The following SERPINB2 variants were observed in gnomAD, a reference collection of about 807,000 sequenced individuals.
The protein encoded by SERPINB2 is serpin family B member 2.
A neutral mutation model predicts 39.4 loss-of-function variants in SERPINB2; 28 were observed. The observed-to-expected ratio is 0.71, with a 90% CI of 0.53 to 0.97. SERPINB2 has a LOEUF of 0.97. Among genes scored for constraint, SERPINB2 ranks in the 50% least tolerant of loss-of-function variants. The pLI is 0.00. For missense variants in SERPINB2, 557 were observed against 505.3 expected, an observed-to-expected ratio of 1.10 and a Z score of -0.98; for synonymous variants, 209 against 175.1, an observed-to-expected ratio of 1.19 and a Z score of -1.53.
At chr18:63,893,222 C>G (rs893483707) in intron 2 of SERPINB2, among the ~76,000 whole-genome samples, 3 of 152,150 alleles carry the variant, frequency 2.0e-5, no homozygotes, top group Non-Finnish European at 4.4e-5. Flanking sequence ...GCCAGTGCAC[C>G]CGGCCTAGGT....
intron 2 of SERPINB2, 79 bp from the exon 3 acceptor site, chr18:63,895,184 AG>A (rs1411705360): frequency 5.8e-6 from 9 of 1,555,770 alleles, no homozygotes; most frequent in Non-Finnish European, 7.9e-6. Flanking sequence ...ACCATTTTAG[AG>A]CCACCTGATA....
At chr18:63,894,990 GT>G (rs144193829) in intron 2 of SERPINB2, among the ~76,000 whole-genome samples, 1 of 152,152 alleles carries the variant, frequency 6.6e-6, no homozygotes, top group Non-Finnish European at 1.5e-5. Context: ...TGGGGAAGAG[GT>G]TTTAAATCAT....
Position 63,901,810 on chromosome 18 carries a change from C to T in SERPINB2, c.606C>T (p.Val202=). The stretch of plus-strand genomic sequence containing the variant: ...CCAGGATGGTCCTGGTGAATGCTGT[C>T]TACTTCAAAGGAAAGTGGAAAACTC... ...GDTRMVLVNA[V]YFKGKWKTPF... The change falls in exon 6 of 8, where the codon GTC becomes GTT. Residue 202 remains valine (V), a synonymous_variant. Transcript: ENST00000299502. 1 of 1,601,790 alleles carries T rather than the reference C, an allele frequency of 6.2e-7. No homozygotes were observed. Among genetic ancestry groups the T allele is most frequent in the South Asian group, 1.1e-5 (1 of 88,094 alleles).
intron 1 of SERPINB2, chr18:63,890,944 C>T (rs1035978007): frequency 3.9e-5 from 6 of 154,948 alleles, no homozygotes; most frequent in African/African-American, 1.4e-4. Flanking sequence ...GTATATCTTC[C>T]TGTGTGGCAG....
chr18:63,900,437 G>A (rs139373274), intron 5 of SERPINB2, among the ~76,000 whole-genome samples: 170 of 152,242 alleles, frequency 1.1e-3, no homozygotes, highest in African/African-American at 3.9e-3. Context: ...CTGGAGGTAG[G>A]GTAGAAGAAA....
rs186414214 is a variant in SERPINB2, at chr18:63,891,330, G to T, written c.-9-106G>T. 4 of 1,123,984 alleles carry T rather than the reference G, an allele frequency of 3.6e-6. No homozygotes were observed. In the Admixed American group the frequency reaches 8.0e-5, roughly 23 times the overall value. The allele number at this position is 1,123,984 out of a possible 1,614,324, so 69.6% of individuals were successfully genotyped here. On this transcript the variant is annotated intron_variant, in intron 1 of 7. Transcript: ENST00000299502. ...TGTTCCATGAGGAAGAACAGACAGG[G>T]AATCTGTCCCTACACAGAATGCAGC...
Position 63,901,730 on chromosome 18 carries a change from T to G in SERPINB2, c.536-10T>G, listed in dbSNP as rs933427187. ...TTATGAAACCTAAATATATGTTATG[T>G]TTTCTGTAGGCAAAATCCCAAACTT... On this transcript the variant is annotated splice_polypyrimidine_tract_variant and intron_variant, in intron 5 of 7. Transcript: ENST00000299502. 3.3e-6 allele frequency: 5 copies of G among 1,532,988 alleles called. No individual in the cohort carries two copies. Among genetic ancestry groups the G allele is most frequent in the Non-Finnish European group, 4.3e-6 (5 of 1,150,572 alleles). 95.0% of individuals were successfully genotyped at this position (1,532,988 alleles called of 1,614,324 possible). A position where few individuals can be genotyped will look rare whatever the true frequency, so the allele number is the denominator to read the frequency against.
Position 63,903,582 on chromosome 18 carries a change from T to C in SERPINB2, c.*277T>C, listed in dbSNP as rs34964253. On this transcript the variant is annotated 3_prime_UTR_variant, in exon 8 of 8. Coordinates refer to ENST00000299502, the MANE Select transcript of SERPINB2 (RefSeq NM_002575.3). ...TTTTATAACATTAACTTTTACTTTG[T>C]TATTTATTATTTTATATAATGGTGA... 4.9e-6 allele frequency: 1 copy of C among 205,296 alleles called. No homozygotes were observed. Among genetic ancestry groups the C allele is most frequent in the South Asian group, 1.9e-4 (1 of 5,390 alleles). 12.7% of individuals were successfully genotyped at this position (205,296 alleles called of 1,614,324 possible). A position where few individuals can be genotyped will look rare whatever the true frequency, so the allele number is the denominator to read the frequency against.
chr18:63,897,144 C>A lies in SERPINB2; in HGVS notation c.342C>A (p.Ile114=). 2 of 1,613,536 alleles carry A rather than the reference C, an allele frequency of 1.2e-6. No homozygotes were observed. Among genetic ancestry groups the A allele is most frequent in the South Asian group, 2.2e-5 (2 of 91,034 alleles). The part of the protein sequence containing the change: ...HSSFRSLSSA[I]NASTGNYLLE... The stretch of plus-strand genomic sequence containing the variant: ...CCTTCCGCTCTCTCAGCTCTGCAAT[C>A]AATGCATCCACAGGGAATTATTTAC... Residue 114 remains isoleucine, a synonymous_variant, in exon 4 of 8, where the codon ATC becomes ATA. Coordinates refer to ENST00000299502, the MANE Select transcript of SERPINB2 (RefSeq NM_002575.3).
In SERPINB2 at chr18:63,903,086, G is replaced by A; in HGVS notation, c.1029G>A (p.Met343Ile). Residue 343 changes from methionine to isoleucine, a missense_variant, in exon 8 of 8, where the codon ATG becomes ATA. By Grantham distance (10) the Met-to-Ile change is conservative. Transcript: ENST00000299502. ...AGGGACGGGCCAATTTCTCAGGGAT[G>A]TCGGAGAGGAATGACCTGTTTCTTT... ...FNKGRANFSGMSERNDLFLSE... is the reference protein window; with the variant it reads ...FNKGRANFSGISERNDLFLSE... 1 of 1,613,774 alleles carries A rather than the reference G, an allele frequency of 6.2e-7. No individual in the cohort carries two copies. The highest frequency in any genetic ancestry group is 8.5e-7 in the Non-Finnish European group (1 of 1,179,792).
At chr18:63,893,840 A>T (rs1370839687) in intron 2 of SERPINB2, among the ~76,000 whole-genome samples, 1 of 152,210 alleles carries the variant, frequency 6.6e-6, no homozygotes, top group Middle Eastern at 3.2e-3. Flanking sequence ...ACAAAATATT[A>T]TGAGGTAGGT....
rs149423477 is a variant in SERPINB2 at position 63,902,429 on chromosome 18, T to G, written c.704T>G (p.Met235Arg). 1 of 1,613,028 alleles carries G rather than the reference T, an allele frequency of 6.2e-7. No individual in the cohort carries two copies. The highest frequency in any genetic ancestry group is 8.5e-7 in the Non-Finnish European group (1 of 1,179,472). The change falls in exon 7 of 8, where the codon ATG (methionine) becomes AGG (arginine). Residue 235 changes from methionine to arginine, a missense_variant. By Grantham distance (91) the Met-to-Arg change is moderately conservative (BLOSUM62 -1). Coordinates refer to ENST00000299502, the MANE Select transcript of SERPINB2 (RefSeq NM_002575.3). ...NSAQRTPVQM[M>R]YLREKLNIGY... The stretch of plus-strand genomic sequence containing the variant: ...GCTCAGCGCACACCTGTACAGATGA[T>G]GTACTTGCGTGAAAAGCTAAACATT...
intron 5 of SERPINB2, 47 bp downstream of exon 5, chr18:63,897,891 T>G: frequency 7.9e-7 from 1 of 1,271,654 alleles, no homozygotes; most frequent in Non-Finnish European, 1.1e-6. Context: ...GTTAGAAAAC[T>G]CTGATCTATC....
At chr18:63,890,736 T>C (rs933089430) in intron 1 of SERPINB2, 1 of 152,070 alleles carries the variant, frequency 6.6e-6, no homozygotes, top group Admixed American at 6.6e-5. Context: ...AACACCCCAG[T>C]ATAGGAAGTC....
At chr18:63,900,720 A>G (rs1207026588) in intron 5 of SERPINB2, among the ~76,000 whole-genome samples, 3 of 152,148 alleles carry the variant, frequency 2.0e-5, no homozygotes, top group African/African-American at 4.8e-5. Context: ...CACTGCTTCC[A>G]TCCTGTCCCT....
chr18:63,889,533 G>T (rs1175681340), intron 1 of SERPINB2, among the ~76,000 whole-genome samples: 3 of 151,980 alleles, frequency 2.0e-5, no homozygotes, highest in African/African-American at 7.2e-5. Context: ...TTATGTTTGT[G>T]GCTCTGATCT....
At chr18:63,898,882 G>A (rs2049976420) in intron 5 of SERPINB2, among the ~76,000 whole-genome samples, 1 of 152,164 alleles carries the variant, frequency 6.6e-6, no homozygotes. Context: ...TCTGACTGCA[G>A]TGTGGAGGGC....
At chr18:63,887,819 T>C (rs1444156655) in intron 1 of SERPINB2, 49 bp downstream of exon 1, 2 of 152,214 alleles carry the variant, frequency 1.3e-5, no homozygotes, top group African/African-American at 4.8e-5. Context: ...GGGTTTCATG[T>C]TTTCTCTTCC....
intron 1 of SERPINB2, among the ~76,000 whole-genome samples, 167 bp downstream of exon 1, chr18:63,887,937 A>C (rs1568233952): frequency 6.6e-6 from 1 of 152,202 alleles, no homozygotes; most frequent in East Asian, 1.9e-4. Context: ...AAAATATTTT[A>C]TTTCAAGATT....
Sources: allele counts gnomAD v4.1 joint callset (sites outside exome capture counted in the v4.1 genomes callset), GRCh38; gene constraint gnomAD v4.1.1; transcripts MANE v1.5; gene names NCBI Gene and HGNC (gene_info 2026-07-23, HGNC 2026-07-21).